ARHGEF1: variants seen among roughly 807,000 people sequenced by gnomAD.
The protein encoded by ARHGEF1 is Rho guanine nucleotide exchange factor 1.
A neutral mutation model predicts 119.7 loss-of-function variants in ARHGEF1; 40 were observed. The ratio of observed to expected loss-of-function variants is 0.33; its 90% CI spans 0.26 to 0.44. The LOEUF is 0.44. ARHGEF1 is among the 20% of genes least tolerant of loss of function. ARHGEF1 has a pLI of 1.00. For missense variants in ARHGEF1, 976 were observed against 1,268.3 expected, an observed-to-expected ratio of 0.77 and a Z score of 3.50; for synonymous variants, 494 against 521.0, an observed-to-expected ratio of 0.95 and a Z score of 0.71.
Position 41,892,524 on chromosome 19 carries a change from T to C in ARHGEF1, c.368-79T>C. ...GCAGCGGCCTCAGGACGTGTGGCTG[T>C]TGGAGTCCAAGGGTGGGTGGGGACC... On this transcript the variant is annotated intron_variant, in intron 6 of 28. Coordinates refer to ENST00000354532, the MANE Select transcript of ARHGEF1 (RefSeq NM_004706.4). The surrounding 1 kb of genome is among the most constrained non-coding windows in gnomAD (Gnocchi z 6.3). The C allele has an allele frequency of 6.4e-7, 1 of 1,573,414 alleles. No homozygotes were observed. Among genetic ancestry groups the C allele is most frequent in the Non-Finnish European group, 8.7e-7 (1 of 1,156,056 alleles).
At chr19:41,914,574 C>CCCTCCCCTTCCACCGTCTCT (rs1568831580) in intron 18 of ARHGEF1, among the ~76,000 whole-genome samples, 1 of 17,932 alleles carries the variant, frequency 5.6e-5, no homozygotes, top group Non-Finnish European at 1.2e-4. Context: ...TCTCTGTCTC[C>CCCTCCCCTTCCACCGTCTCT]GTCTCTCCCT....
intron 13 of ARHGEF1, 94 bp from the exon 14 acceptor site, chr19:41,898,348 C>G: frequency 6.5e-7 from 1 of 1,534,490 alleles, no homozygotes; most frequent in Non-Finnish European, 8.8e-7. Context: ...CATCGAATGC[C>G]AAGGCCACTG....
chr19:41,896,715 CCT>C, intron 13 of ARHGEF1: 1 of 684,238 alleles, frequency 1.5e-6, no homozygotes, highest in South Asian at 1.5e-5. Flanking sequence ...TCTGCTCCTT[CCT>C]CTCCTTCCTT....
exon 1 of ARHGEF1, chr19:41,923,103 C>A (rs1324453395): frequency 2.2e-6 from 1 of 455,800 alleles, no homozygotes; most frequent in Non-Finnish European, 4.4e-6. Context: ...ACCCCATCCT[C>A]ACCACCACCT....
At position 41,892,811 on chromosome 19, in the gene ARHGEF1, C is replaced by T. The variant is rs367971459; in HGVS notation, c.576C>T (p.His192=). 3.5e-5 allele frequency: 55 copies of T among 1,583,178 alleles called. No individual in the cohort carries two copies. In the African/African-American group the frequency reaches 5.0e-4, roughly 14 times the overall value. ...DRASYEARER[H]VAERLLMHLE... ...CCAGCTACGAGGCCCGGGAGCGGCA[C>T]GTGGCGGAGCGGCTGCTCATGCACC... The change falls in exon 7 of 29, where the codon CAC becomes CAT. Residue 192 remains histidine, a synonymous_variant. Transcript: ENST00000354532. The surrounding 1 kb of genome is among the most constrained non-coding windows in gnomAD (Gnocchi z 6.3).
intron 1 of ARHGEF1, 102 bp from the exon 2 acceptor site, chr19:41,887,961 GA>G: frequency 7.7e-7 from 1 of 1,299,094 alleles, no homozygotes; most frequent in Non-Finnish European, 1.1e-6. Flanking sequence ...TGGGATGGGG[GA>G]GGCTGTTTAC....
chr19:41,903,664 C>T lies in ARHGEF1; in HGVS notation c.1840-43C>T. Reference sequence around the variant, plus strand: ...AATGTGGGTCACTGCAGGTCAGCCCCAGCACTTAGCTTGTCCCCATAATGC... The same window carrying T: ...AATGTGGGTCACTGCAGGTCAGCCCTAGCACTTAGCTTGTCCCCATAATGC... On this transcript the variant is annotated intron_variant, in intron 19 of 28. Coordinates refer to ENST00000354532, the MANE Select transcript of ARHGEF1 (RefSeq NM_004706.4). This position sits in a 1 kb window ranked among gnomAD's most constrained non-coding sequence, Gnocchi z 4.2. The T allele has an allele frequency of 6.3e-7, 1 of 1,599,384 alleles. No homozygotes were observed. Among genetic ancestry groups the T allele is most frequent in the Non-Finnish European group, 8.5e-7 (1 of 1,171,326 alleles).
In ARHGEF1 at chr19:41,904,272, C is replaced by T; in HGVS notation, c.2050C>T (p.Arg684Trp). ...GCTGCTGCTCCAGCGCCAGGACGAG[C>T]GGCTGCTGCTCAAGTCCCATAGCCG... ...LLLLLQRQDE[R>W]LLLKSHSRTL... The change falls in exon 22 of 29, where the codon CGG becomes TGG. Residue 684 changes from arginine to tryptophan, a missense_variant. Physicochemically the swap from Arg to Trp is moderately radical, Grantham distance 101. Around this residue, in one of 3 missense-constraint regions of ARHGEF1, gnomAD observed 286 missense variants for 506.8 expected, o/e 0.56. Transcript: ENST00000354532. The surrounding 1 kb of genome is among the most constrained non-coding windows in gnomAD (Gnocchi z 8.4). 1.9e-6 allele frequency: 3 copies of T among 1,612,814 alleles called. No homozygotes were observed. The highest frequency in any genetic ancestry group is 1.7e-6 in the Non-Finnish European group (2 of 1,179,794).
At chr19:41,896,935 C>T in intron 13 of ARHGEF1, 1 of 345,730 alleles carries the variant, frequency 2.9e-6, no homozygotes, top group South Asian at 2.0e-5. Context: ...CCTCTCTCAC[C>T]TCCCCCCTCC....
intron 18 of ARHGEF1, among the ~76,000 whole-genome samples, chr19:41,915,208 G>A (rs956419049): frequency 4.5e-5 from 5 of 111,536 alleles, no homozygotes; most frequent in Admixed American, 3.8e-4. Context: ...ACTCCCCGCC[G>A]CCTCCTCCGG....
At chr19:41,919,234 C>G (rs1260788229), upstream of ARHGEF1, among the ~76,000 whole-genome samples, 1 of 152,118 alleles carries the variant, frequency 6.6e-6, no homozygotes, top group Non-Finnish European at 1.5e-5. Context: ...CCTTAACACA[C>G]AGACCCACAG....
intron 4 of ARHGEF1, chr19:41,890,269 T>G (rs1353543428): frequency 6.6e-6 from 1 of 150,488 alleles, no homozygotes; most frequent in Non-Finnish European, 1.5e-5. Context: ...GGAGGATAGC[T>G]TGAGCCTGGG....
At chr19:41,926,350 C>T (rs531270586) in intron 1 of ARHGEF1, among the ~76,000 whole-genome samples, 22 of 152,096 alleles carry the variant, frequency 1.4e-4, no homozygotes, top group African/African-American at 4.3e-4. Context: ...ACAGGTGTTG[C>T]GTGCAGGCAG....
rs1185364831 is a variant in ARHGEF1 at position 41,917,813 on chromosome 19, C to G, written c.1866-5279C>G. Among the ~76,000 whole-genome samples, 1 of 151,972 alleles carries G rather than the reference C, an allele frequency of 6.6e-6. No homozygotes were observed. The highest frequency in any genetic ancestry group is 1.5e-5 in the Non-Finnish European group (1 of 67,982). ...CTAGTAGGCACACACACACCATGCACAGCCCCAGCCATGGGACGGCTGCCA... is the reference window on the plus strand; with the variant it reads ...CTAGTAGGCACACACACACCATGCAGAGCCCCAGCCATGGGACGGCTGCCA... On this transcript the variant is annotated intron_variant, in intron 18 of 20. Transcript: ENST00000599589. This position sits in a 1 kb window ranked among gnomAD's most constrained non-coding sequence, Gnocchi z 4.8.
At chr19:41,915,575 A>T (rs935772378) in intron 18 of ARHGEF1, among the ~76,000 whole-genome samples, 7 of 149,110 alleles carry the variant, frequency 4.7e-5, no homozygotes, top group Non-Finnish European at 7.4e-5. Flanking sequence ...CCACATCTCC[A>T]TATCTCCTCC....
chr19:41,902,476 G>A lies in ARHGEF1; in HGVS notation c.1498-57G>A. 1.9e-6 allele frequency: 3 copies of A among 1,612,748 alleles called. No homozygotes were observed. Among genetic ancestry groups the A allele is most frequent in the Non-Finnish European group, 2.5e-6 (3 of 1,179,692 alleles). On this transcript the variant is annotated intron_variant, in intron 16 of 28. Coordinates refer to ENST00000354532, the MANE Select transcript of ARHGEF1 (RefSeq NM_004706.4). The surrounding 1 kb of genome is among the most constrained non-coding windows in gnomAD (Gnocchi z 6.5). ...TGGGCTTCCAGCCTGTCGTACTTTA[G>A]TCCCTGTTCTTGCCCATCCCCACTG... is the stretch of plus-strand genomic sequence containing the variant.
chr19:41,884,956 G>A (rs2074271273), intron 1 of ARHGEF1, among the ~76,000 whole-genome samples: 2 of 152,084 alleles, frequency 1.3e-5, no homozygotes. Flanking sequence ...ACTCTTTTAG[G>A]TTCTTTAAGG....
upstream of ARHGEF1, among the ~76,000 whole-genome samples, chr19:41,922,717 CCGGGGTCCAGCCGGGCTG>C (rs2074849453): frequency 6.6e-6 from 1 of 152,088 alleles, no homozygotes; most frequent in South Asian, 2.1e-4. Context: ...CCCACAAGGG[CCGGGGTCCAGCCGGGCTG>C]GGGGGGACTC....
chr19:41,905,603 C>A lies in ARHGEF1; in HGVS notation c.2337-157C>A. ...TCCTGTCTCCAGGCCTCTGTGTCTT[C>A]CATTGTCTGGGCCTCTCTGTCTCCC... On this transcript the variant is annotated intron_variant, in intron 24 of 28. Transcript: ENST00000354532. The surrounding 1 kb of genome is among the most constrained non-coding windows in gnomAD (Gnocchi z 6.4). 1.4e-6 allele frequency: 1 copy of A among 737,846 alleles called. No homozygotes were observed. The highest frequency in any genetic ancestry group is 2.2e-6 in the Non-Finnish European group (1 of 455,298). The allele number at this position is 737,846 out of a possible 1,614,324, so 45.7% of individuals were successfully genotyped here.
Sources: allele counts gnomAD v4.1 joint callset (sites outside exome capture counted in the v4.1 genomes callset), GRCh38; gene constraint gnomAD v4.1.1; regional missense constraint gnomAD v4.1.1; non-coding constraint Gnocchi (gnomAD v3.1); transcripts MANE v1.5; gene names NCBI Gene and HGNC (gene_info 2026-07-23, HGNC 2026-07-21).